HYDIN: variants seen among roughly 807,000 people sequenced by gnomAD.
HYDIN encodes HYDIN axonemal central pair apparatus protein.
In HYDIN, 132 loss-of-function variants were observed where a neutral mutation model predicts 403.9. That is an observed-to-expected ratio of 0.33 (90% CI 0.28 to 0.38). The LOEUF (loss-of-function observed/expected upper bound fraction) is 0.38, where lower values mean the gene tolerates loss of function less well. Among genes scored for constraint, HYDIN ranks in the 10% least tolerant of loss-of-function variants. The pLI, the probability that HYDIN is intolerant of heterozygous loss-of-function variation, is 1.00. For missense variants in HYDIN, 2,827 were observed against 5,009.5 expected, an observed-to-expected ratio of 0.56 and a Z score of 13.15; for synonymous variants, 1,202 against 1,891.7, an observed-to-expected ratio of 0.64 and a Z score of 9.46.
At chr16:70,963,341 T>C (rs1167793637) in intron 37 of HYDIN, among the ~76,000 whole-genome samples, 1 of 144,290 alleles carries the variant, frequency 6.9e-6, no homozygotes, top group Non-Finnish European at 1.5e-5. Flanking sequence ...CACCCGAGTA[T>C]CTCAGAATGT....
chr16:71,020,135 C>A (rs780575344), intron 22 of HYDIN, 39 bp downstream of exon 22: 2 of 1,608,134 alleles, frequency 1.2e-6, no homozygotes, highest in East Asian at 2.2e-5. Flanking sequence ...CCCCGCCCCA[C>A]CCCAGACAGC....
At chr16:70,976,621 A>G (rs898543257) in intron 30 of HYDIN, among the ~76,000 whole-genome samples, 15 of 151,816 alleles carry the variant, frequency 9.9e-5, no homozygotes, top group African/African-American at 3.6e-4. Context: ...TAGTTATACG[A>G]GACGTTACTG....
At chr16:70,811,546 A>G (rs968770232) in intron 84 of HYDIN, 1 of 151,110 alleles carries the variant, frequency 6.6e-6, no homozygotes, top group Non-Finnish European at 1.5e-5. Context: ...TAATTTTACC[A>G]CAATTTAAAA....
intron 58 of HYDIN, among the ~76,000 whole-genome samples, chr16:70,885,854 A>C (rs896568131): frequency 7.2e-5 from 11 of 152,136 alleles, no homozygotes; most frequent in African/African-American, 2.4e-4. Flanking sequence ...AAAAGACATA[A>C]AAACCAACAT....
At chr16:70,868,458 A>C in intron 66 of HYDIN, 112 bp downstream of exon 66, 1 of 1,436,342 alleles carries the variant, frequency 7.0e-7, no homozygotes, top group Non-Finnish European at 9.2e-7. Context: ...GGTCAAGTAG[A>C]ATGGGAACCT....
At position 70,807,770 on chromosome 16, in the gene HYDIN, G is replaced by A. The variant is rs374641552; in HGVS notation, c.15176C>T (p.Pro5059Leu). 8.5e-5 allele frequency: 138 copies of A among 1,614,038 alleles called. No individual in the cohort carries two copies. The highest frequency in any genetic ancestry group is 1.1e-4 in the Non-Finnish European group (133 of 1,180,024). The change falls in exon 86 of 86, where the codon CCA (proline) becomes CTA (leucine). Residue 5059 changes from proline (P) to leucine (L), a missense_variant. Coordinates refer to ENST00000393567, the MANE Select transcript of HYDIN (RefSeq NM_001270974.2). ...CTCTCCAGCGCGAATGGTGAAGGCT[G>A]GGTTATCCACGATGATGGAGAAGGT... The part of the protein sequence containing the change: ...MVTFSIIVDN[P>L]AFTIRAGESV...
chr16:70,931,088 G>T (rs1798402), intron 45 of HYDIN, among the ~76,000 whole-genome samples: 575 of 125,738 alleles, frequency 4.6e-3, no homozygotes, highest in African/African-American at 6.2e-3. Context: ...AATTTTAGAA[G>T]TGAAAAATAC....
At chr16:70,813,522 C>T (rs1049114040) in intron 84 of HYDIN, among the ~76,000 whole-genome samples, 3 of 150,626 alleles carry the variant, frequency 2.0e-5, no homozygotes, top group Non-Finnish European at 4.5e-5. Context: ...GCCCAAACCA[C>T]CTGGCCAAGG....
intron 5 of HYDIN, among the ~76,000 whole-genome samples, chr16:71,170,440 AG>A (rs2086417089): frequency 6.6e-6 from 1 of 152,214 alleles, no homozygotes; most frequent in Admixed American, 6.5e-5. Context: ...TTGATCAAAA[AG>A]AAAAAATTGA....
chr16:70,849,230 A>C (rs537689726), intron 75 of HYDIN, among the ~76,000 whole-genome samples: 1 of 152,276 alleles, frequency 6.6e-6, no homozygotes, highest in Admixed American at 6.5e-5. Context: ...CACAAAGCTC[A>C]CTGCCTTTAT....
intron 17 of HYDIN, among the ~76,000 whole-genome samples, chr16:71,061,861 AGTGTGT>A (rs66689823): frequency 4.9e-5 from 7 of 144,022 alleles, no homozygotes; most frequent in East Asian, 2.1e-4. Context: ...CATGTGTGAC[AGTGTGT>A]GTGTGTGTGT....
rs11866903 is a variant in HYDIN, at chr16:71,067,303, A to G, written c.2062T>C (p.Leu688=). Residue 688 remains leucine, a synonymous_variant, in exon 15 of 86, where the codon TTA becomes CTA. Coordinates refer to ENST00000393567, the MANE Select transcript of HYDIN (RefSeq NM_001270974.2). ...EGIGEEVLAL[L]ITARCVVPAL... is the part of the protein sequence containing the mutation. Reference sequence around the variant, plus strand: ...GGGGAGCAATACCTTGCTGTAATTAAGAGCGCCAGCACCTCTTCTCCGATG... The same window carrying G: ...GGGGAGCAATACCTTGCTGTAATTAGGAGCGCCAGCACCTCTTCTCCGATG... The G allele has an allele frequency of 0.012, 19,184 of 1,610,870 alleles. 2,076 individuals are homozygous for G. In the African/African-American group the frequency reaches 0.23, roughly 19 times the overall value.
At chr16:71,202,501 T>C (rs900108183) in intron 1 of HYDIN, among the ~76,000 whole-genome samples, 2 of 152,084 alleles carry the variant, frequency 1.3e-5, no homozygotes, top group African/African-American at 4.8e-5. Flanking sequence ...AATAAATAAA[T>C]AAGCTGCAGT....
intron 71 of HYDIN, among the ~76,000 whole-genome samples, chr16:70,859,464 A>G (rs2039266163): frequency 2.6e-5 from 4 of 151,894 alleles, no homozygotes; most frequent in Admixed American, 2.6e-4. Flanking sequence ...TCCTTGGCCC[A>G]CTCTATTCAC....
chr16:71,097,634 C>A (rs1189109254), intron 10 of HYDIN, among the ~76,000 whole-genome samples: 1 of 143,892 alleles, frequency 6.9e-6, no homozygotes, highest in East Asian at 2.1e-4. Flanking sequence ...ACACAAACAT[C>A]TGTAGTATTT....
At chr16:70,887,074 G>C (rs1365507745) in intron 58 of HYDIN, among the ~76,000 whole-genome samples, 1 of 152,140 alleles carries the variant, frequency 6.6e-6, no homozygotes, top group Admixed American at 6.5e-5. Context: ...ACAGATCCCT[G>C]AGCATCAATT....
intron 85 of HYDIN, 44 bp downstream of exon 85, chr16:70,809,739 G>C: frequency 6.9e-7 from 1 of 1,450,832 alleles, no homozygotes; most frequent in South Asian, 1.1e-5. Flanking sequence ...TGAACCCAGC[G>C]TTCATGTGAG....
At chr16:71,134,723 GC>G (rs2084847756) in intron 8 of HYDIN, among the ~76,000 whole-genome samples, 1 of 152,188 alleles carries the variant, frequency 6.6e-6, no homozygotes, top group South Asian at 2.1e-4. Context: ...GTCTGTACTT[GC>G]CTTCCTTTCC....
At chr16:71,209,924 T>C (rs2088494772) in intron 1 of HYDIN, among the ~76,000 whole-genome samples, 1 of 152,098 alleles carries the variant, frequency 6.6e-6, no homozygotes, top group Admixed American at 6.5e-5. Context: ...TGCTCATGGG[T>C]AGAAAGAAGA....
Sources: allele counts gnomAD v4.1 joint callset (sites outside exome capture counted in the v4.1 genomes callset), GRCh38; gene constraint gnomAD v4.1.1; transcripts MANE v1.5; gene names NCBI Gene and HGNC (gene_info 2026-07-23, HGNC 2026-07-21).